ZNF335: variants seen among roughly 807,000 people sequenced by gnomAD.
ZNF335 encodes the protein zinc finger protein 335.
A neutral mutation model predicts 145.6 loss-of-function variants in ZNF335; 84 were observed. That is an observed-to-expected ratio of 0.58 (90% CI 0.48 to 0.69). The LOEUF is 0.69. ZNF335 is among the 30% of genes least tolerant of loss of function. The pLI is 0.00. For missense variants in ZNF335, 1,865 were observed against 1,809.7 expected (o/e 1.03, Z -0.55); for synonymous variants, 761 against 717.0 (o/e 1.06, Z -0.98).
At chr20:45,962,216 C>T in intron 9 of ZNF335, 34 bp from the exon 10 acceptor site, 1 of 1,564,730 alleles carries the variant, frequency 6.4e-7, no homozygotes, top group Non-Finnish European at 8.8e-7. Flanking sequence ...TGGGCTGGGG[C>T]TTGGCCTCCT....
At chr20:45,969,800 C>A in intron 2 of ZNF335, 109 bp from the exon 3 acceptor site, 1 of 1,466,054 alleles carries the variant, frequency 6.8e-7, no homozygotes, top group South Asian at 1.3e-5. Flanking sequence ...AGGACATGGT[C>A]AGTGGAGCCA....
rs2083663357 is a variant in ZNF335, at chr20:45,953,023, G to C, written c.2703-314C>G. ...TAGCAAACGGTGAATCCACCACCAG[G>C]AGCTAGTGGAGGAGGCAGGGCTAAC... On this transcript the variant is annotated intron_variant, in intron 18 of 27. Coordinates refer to ENST00000322927, the MANE Select transcript of ZNF335 (RefSeq NM_022095.4). Among the ~76,000 whole-genome samples the C allele has an allele frequency of 3.3e-5, 5 of 152,214 alleles. No individual in the cohort carries two copies. The South Asian group carries it at 1.0e-3, about 32-fold the overall frequency.
chr20:45,949,896 C>T lies in ZNF335; in HGVS notation c.3592-19G>A. On this transcript the variant is annotated intron_variant, in intron 23 of 27. Transcript: ENST00000322927. ...CTTCCTCCTGCCAGGACCAAGACAG[C>T]TCTAGCCTCATTTCTCTACCCCAAC... The T allele has an allele frequency of 6.2e-7, 1 of 1,614,162 alleles. No individual in the cohort carries two copies. The highest frequency in any genetic ancestry group is 8.5e-7 in the Non-Finnish European group (1 of 1,180,014).
chr20:45,956,010 G>A (rs2083722420), intron 17 of ZNF335, among the ~76,000 whole-genome samples: 1 of 152,142 alleles, frequency 6.6e-6, no homozygotes, highest in Non-Finnish European at 1.5e-5. Flanking sequence ...GTGCTGGCCA[G>A]GCCGTGCATC....
At position 45,972,151 on chromosome 20, in the gene ZNF335, G is replaced by A; in HGVS notation, c.-80C>T. ...GGCTTTCGTAGCCACGTTCCTCTCTGACTCCGGCATCGACGAGGTCGCCAT... is the reference window on the plus strand; with the variant it reads ...GGCTTTCGTAGCCACGTTCCTCTCTAACTCCGGCATCGACGAGGTCGCCAT... On this transcript the variant is annotated 5_prime_UTR_variant, in exon 1 of 28. Coordinates refer to ENST00000322927, the MANE Select transcript of ZNF335 (RefSeq NM_022095.4). The A allele has an allele frequency of 7.8e-7, 1 of 1,289,382 alleles. No homozygotes were observed. The highest frequency in any genetic ancestry group is 1.0e-6 in the Non-Finnish European group (1 of 988,664). The allele number at this position is 1,289,382 out of a possible 1,614,324, so 79.9% of individuals were successfully genotyped here. A position where few individuals can be genotyped will look rare whatever the true frequency, so the allele number is the denominator to read the frequency against.
intron 10 of ZNF335, 75 bp from the exon 11 acceptor site, chr20:45,960,957 C>T: frequency 6.3e-7 from 1 of 1,586,616 alleles, no homozygotes; most frequent in Non-Finnish European, 8.6e-7. Flanking sequence ...CTGAACAGAC[C>T]CAGCCTCAGC....
In ZNF335 at chr20:45,967,734, C is replaced by T; in HGVS notation, c.814G>A (p.Val272Ile). ...RHMRERHFRP[V>I]AAAAAAAGKK... ...AGCAGGTAGGCTGCTACTGACGCAC[C>T]TGGACGGAAGTGGCGTTCCCGCATG... is the stretch of plus-strand genomic sequence containing the variant. The change falls in exon 5 of 28, where the codon GTA becomes ATA. Residue 272 changes from valine (V) to isoleucine (I), a missense_variant and splice_region_variant. Physicochemically the swap from Val to Ile is conservative, Grantham distance 29 (BLOSUM62 3). Coordinates refer to ENST00000322927, the MANE Select transcript of ZNF335 (RefSeq NM_022095.4). 1 of 1,609,742 alleles carries T rather than the reference C, an allele frequency of 6.2e-7. No individual in the cohort carries two copies.
chr20:45,965,316 T>G (rs1352336525), intron 7 of ZNF335, among the ~76,000 whole-genome samples: 1 of 152,094 alleles, frequency 6.6e-6, no homozygotes, highest in Non-Finnish European at 1.5e-5. Context: ...CTCAGACTTA[T>G]TCCTCTCTTC....
chr20:45,968,228 C>T (rs1295353897), intron 4 of ZNF335, 57 bp downstream of exon 4: 2 of 1,578,254 alleles, frequency 1.3e-6, no homozygotes, highest in African/African-American at 1.3e-5. Context: ...AGAACCTGTC[C>T]TCACCTATCC....
At position 45,960,653 on chromosome 20, in the gene ZNF335, T is replaced by C. The variant is rs780667131; in HGVS notation, c.1745A>G (p.Lys582Arg). Reference sequence around the variant, plus strand: ...GTGGGGCTTCTCAGTGCTGTGCGTCTTCATGTGCTGCGTGAGTCTTTTCTG... The same window carrying C: ...GTGGGGCTTCTCAGTGCTGTGCGTCCTCATGTGCTGCGTGAGTCTTTTCTG... Reference protein sequence around the residue: ...PMQKRLTQHMKTHSTEKPHMC... With the variant: ...PMQKRLTQHMRTHSTEKPHMC... Residue 582 changes from lysine (K) to arginine (R), a missense_variant, in exon 12 of 28, where the codon AAG becomes AGG. Physicochemically the swap from Lys to Arg is conservative, Grantham distance 26. Transcript: ENST00000322927. 6.2e-7 allele frequency: 1 copy of C among 1,614,146 alleles called. No individual in the cohort carries two copies. Among genetic ancestry groups the C allele is most frequent in the Non-Finnish European group, 8.5e-7 (1 of 1,180,018 alleles).
rs2083757235 is a variant in ZNF335, at chr20:45,957,835, C to T, written c.2347G>A (p.Gly783Arg). 6.2e-7 allele frequency: 1 copy of T among 1,613,972 alleles called. No homozygotes were observed. Among genetic ancestry groups the T allele is most frequent in the East Asian group, 2.2e-5 (1 of 44,872 alleles). The stretch of plus-strand genomic sequence containing the variant: ...GCTCCTATCCTCCTACAGAGCTCAC[C>T]TTGCTGGTAGATGATGGTGGCGCCG... ...LGGATIIYQQ[G>R]AEESTAMATQ... The change falls in exon 16 of 28, where the codon GGA (glycine) becomes AGA (arginine). Residue 783 changes from glycine to arginine, a missense_variant and splice_region_variant. Coordinates refer to ENST00000322927, the MANE Select transcript of ZNF335 (RefSeq NM_022095.4).
chr20:45,952,402 G>C lies in ZNF335; in HGVS notation c.2934C>G (p.Ala978=), dbSNP rs199855375. ...PRDGPEPPSP[A]KTHCVGDSQS... is the part of the protein sequence containing the mutation. ...GGGAGTCCCCTACGCAGTGGGTCTTGGCTGGAGATGGGGGCTCAGGGCCGT... is the reference window on the plus strand; with the variant it reads ...GGGAGTCCCCTACGCAGTGGGTCTTCGCTGGAGATGGGGGCTCAGGGCCGT... Residue 978 remains alanine, a synonymous_variant, in exon 20 of 28, where the codon GCC becomes GCG. Coordinates refer to ENST00000322927, the MANE Select transcript of ZNF335 (RefSeq NM_022095.4). 4 of 1,588,852 alleles carry C rather than the reference G, an allele frequency of 2.5e-6. No homozygotes were observed. The highest frequency in any genetic ancestry group is 1.1e-5 in the South Asian group (1 of 88,058).
At chr20:45,955,432 G>A (rs1031507843) in intron 17 of ZNF335, among the ~76,000 whole-genome samples, 1 of 149,282 alleles carries the variant, frequency 6.7e-6, no homozygotes, top group Non-Finnish European at 1.5e-5. Flanking sequence ...ATACCCTACT[G>A]GTGGCCACGT....
Position 45,952,717 on chromosome 20 carries a change from C to T in ZNF335, c.2703-8G>A. 1.2e-6 allele frequency: 2 copies of T among 1,613,146 alleles called. No individual in the cohort carries two copies. The highest frequency in any genetic ancestry group is 1.7e-6 in the Non-Finnish European group (2 of 1,179,690). ...TCTCCTGCGGGCTCCTCGCTGTGGGCATGGAGAAGGTTCTAGGAGAAGATG... is the reference window on the plus strand; with the variant it reads ...TCTCCTGCGGGCTCCTCGCTGTGGGTATGGAGAAGGTTCTAGGAGAAGATG... On this transcript the variant is annotated splice_polypyrimidine_tract_variant and splice_region_variant and intron_variant, in intron 18 of 27. Transcript: ENST00000322927.
At chr20:45,952,096 A>G (rs775729704) in intron 20 of ZNF335, 51 bp downstream of exon 20, 13 of 1,537,576 alleles carry the variant, frequency 8.5e-6, no homozygotes, top group Non-Finnish European at 1.1e-5. Context: ...TGTTATACAA[A>G]CGAGTAGCCC....
rs1409680810 is a variant in ZNF335, at chr20:45,963,797, G to A, written c.1296C>T (p.Asp432=). The A allele has an allele frequency of 5.0e-6, 8 of 1,614,184 alleles. No homozygotes were observed. Among genetic ancestry groups the A allele is most frequent in the South Asian group, 1.1e-5 (1 of 91,090 alleles). The change falls in exon 8 of 28, where the codon GAC becomes GAT. Residue 432 remains aspartate (D), a synonymous_variant. Transcript: ENST00000322927. ...GTCGACCTCGGCGCCGGGGCAGAGT[G>A]TCATGCTCATCCGGGCAGGAGGGGG... ...NAAPSCPDEH[D]TLPRRRGRPS...
chr20:45,950,724 T>G, intron 20 of ZNF335, 129 bp from the exon 21 acceptor site: 112 of 1,227,872 alleles, frequency 9.1e-5, no homozygotes, highest in Non-Finnish European at 1.1e-4. Flanking sequence ...TCCTGTGCAC[T>G]AACAAGAAGC....
intron 17 of ZNF335, among the ~76,000 whole-genome samples, chr20:45,954,190 T>G (rs1002070723): frequency 6.6e-6 from 1 of 152,150 alleles, no homozygotes; most frequent in Non-Finnish European, 1.5e-5. Context: ...CCACAAAGAT[T>G]TGGCAACGTC....
rs150750750 is a variant in ZNF335, at chr20:45,949,256, AGG to A, written c.3820-7_3820-6del. On this transcript the variant is annotated splice_polypyrimidine_tract_variant and splice_region_variant and intron_variant, in intron 26 of 27. Transcript: ENST00000322927. ...GGACACAGGCACATACTGGATCTGG[AGG>A]GGAGAAGCTGATAAGATGCTGGCCT... 963 of 1,613,774 alleles carry A rather than the reference AGG, an allele frequency of 6.0e-4. 3 individuals are homozygous for A. The African/African-American group carries it at 0.01, about 17-fold the overall frequency.
Sources: gnomAD v4.1 joint callset for allele counts (sites outside exome capture counted in the v4.1 genomes callset) on GRCh38, gnomAD v4.1.1 for gene constraint, MANE v1.5 for transcripts, NCBI Gene and HGNC (gene_info 2026-07-23, HGNC 2026-07-21) for gene names.